Variants in SHTN1 observed in about 807,000 individuals in gnomAD.
SHTN1 encodes shootin-1.
Under a neutral mutation model 83.1 loss-of-function variants are expected in SHTN1, and 42 were observed. That is an observed-to-expected ratio of 0.51 (90% CI 0.39 to 0.65). The LOEUF (loss-of-function observed/expected upper bound fraction) is 0.65. Among genes scored for constraint, SHTN1 ranks in the 30% least tolerant of loss-of-function variants. SHTN1 has a pLI of 0.00. For missense variants in SHTN1, 622 were observed against 737.8 expected (o/e 0.84, Z 1.82); for synonymous variants, 224 against 247.7 (o/e 0.90, Z 0.90).
chr10:116,960,848 C>G (rs550385780), intron 3 of SHTN1, among the ~76,000 whole-genome samples: 1 of 152,202 alleles, frequency 6.6e-6, no homozygotes, highest in Admixed American at 6.6e-5. Context: ...TAAATTACTT[C>G]CTGAATCATA....
intron 1 of SHTN1, among the ~76,000 whole-genome samples, chr10:117,061,193 C>T (rs1340485826): frequency 7.0e-6 from 1 of 143,298 alleles, no homozygotes; most frequent in African/African-American, 2.6e-5. Flanking sequence ...GTCACTCAGG[C>T]TGGAGTGCAG....
At chr10:117,065,764 GAAAGA>G (rs1852976446) in intron 1 of SHTN1, among the ~76,000 whole-genome samples, 1 of 47,310 alleles carries the variant, frequency 2.1e-5, no homozygotes, top group East Asian at 9.5e-4. Flanking sequence ...AAGAAAGAAA[GAAAGA>G]AAGAAAGAAA....
At chr10:117,092,395 T>C (rs1300981680) in intron 1 of SHTN1, among the ~76,000 whole-genome samples, 2 of 152,230 alleles carry the variant, frequency 1.3e-5, no homozygotes, top group African/African-American at 2.4e-5. Flanking sequence ...TACAACATCC[T>C]TTATCCAGAA....
intron 2 of SHTN1, among the ~76,000 whole-genome samples, chr10:116,969,405 C>T (rs575175375): frequency 6.6e-6 from 1 of 152,236 alleles, no homozygotes; most frequent in East Asian, 1.9e-4. Flanking sequence ...CACACCATTG[C>T]ACTCCAGCAT....
At position 117,068,564 on chromosome 10, in the gene SHTN1, C is replaced by A. The variant is rs192976059; in HGVS notation, c.-188-20054G>T. Among the ~76,000 whole-genome samples, 5 of 150,770 alleles carry A rather than the reference C, an allele frequency of 3.3e-5. No homozygotes were observed. In the South Asian group the frequency reaches 8.4e-4, roughly 25 times the overall value. The stretch of plus-strand genomic sequence containing the variant: ...GCTGTAGCTAAAAAAGAATGTGGAA[C>A]TGAGAAAGATTTTGGTTCATTAGAT... On this transcript the variant is annotated intron_variant, in intron 1 of 17. Coordinates refer to the SHTN1 transcript ENST00000392901.
chr10:116,927,556 T>C (rs1287042204), intron 11 of SHTN1, among the ~76,000 whole-genome samples: 3 of 152,054 alleles, frequency 2.0e-5, no homozygotes, highest in African/African-American at 4.8e-5. Context: ...GAGAATAGCA[T>C]GGAAAGACCC....
At chr10:117,113,957 G>A (rs61873046) in intron 1 of SHTN1, among the ~76,000 whole-genome samples, 5,002 of 152,298 alleles carry the variant, frequency 0.033, 126 homozygotes, top group Non-Finnish European at 0.053. Context: ...TGAGGCAAGA[G>A]AATAACTTGA....
Position 116,971,720 on chromosome 10 carries a change from T to G in SHTN1, c.112-3008A>C, listed in dbSNP as rs566380817. On this transcript the variant is annotated intron_variant, in intron 2 of 16. Transcript: ENST00000355371. Reference sequence around the variant, plus strand: ...TCTGGTGCTTTACTTTCAAATTAATTTAATGTTTCTTAATCTGGCATTTCT... The same window carrying G: ...TCTGGTGCTTTACTTTCAAATTAATGTAATGTTTCTTAATCTGGCATTTCT... 7.3e-4 allele frequency among the ~76,000 whole-genome samples: 111 copies of G among 152,346 alleles called. 2 individuals carry two copies. In the South Asian group the frequency reaches 0.022, roughly 30 times the overall value.
rs149697370 is a variant in SHTN1 at position 116,910,607 on chromosome 10, A to C, written c.1359+1183T>G. ...AATTAACCTAATTTTTAAAAAGTCA[A>C]ACTCAGTATAGTCTACTCTTTCACT... On this transcript the variant is annotated intron_variant, in intron 14 of 16. Transcript: ENST00000355371. 9.5e-3 allele frequency among the ~76,000 whole-genome samples: 1,453 copies of C among 152,324 alleles called. 24 individuals are homozygous for C. Among genetic ancestry groups the C allele is most frequent in the African/African-American group, 0.033 (1,392 of 41,574 alleles).
intron 1 of SHTN1, among the ~76,000 whole-genome samples, chr10:117,114,021 T>C (rs1853806564): frequency 1.3e-5 from 2 of 152,026 alleles, no homozygotes; most frequent in African/African-American, 2.4e-5. Flanking sequence ...CACTGCAGCA[T>C]GGACGACAGA....
At chr10:116,892,525 A>C (rs1320180574) in intron 16 of SHTN1, among the ~76,000 whole-genome samples, 1 of 152,222 alleles carries the variant, frequency 6.6e-6, no homozygotes, top group Non-Finnish European at 1.5e-5. Context: ...GTCTTCCACA[A>C]AATTCACCAT....
At chr10:117,121,860 G>A (rs574596561) in intron 1 of SHTN1, among the ~76,000 whole-genome samples, 16 of 151,680 alleles carry the variant, frequency 1.1e-4, no homozygotes, top group African/African-American at 2.7e-4. Context: ...GTGCAACCCC[G>A]TCTCTACTAA....
chr10:116,900,648 T>G (rs745416949), intron 16 of SHTN1: 9 of 1,504,486 alleles, frequency 6.0e-6, no homozygotes, highest in Non-Finnish European at 8.0e-6. Flanking sequence ...TTGGTTCAAA[T>G]GTAGCCAGAT....
intron 2 of SHTN1, among the ~76,000 whole-genome samples, chr10:117,022,053 C>G (rs1263065985): frequency 3.3e-5 from 5 of 152,158 alleles, no homozygotes; most frequent in African/African-American, 1.2e-4. Context: ...TGCCACAACA[C>G]TATATCATTA....
rs1346855916 is a variant in SHTN1, at chr10:117,012,093, C to T, written c.-122-32785G>A. 2.7e-5 allele frequency among the ~76,000 whole-genome samples: 4 copies of T among 149,026 alleles called. No individual in the cohort carries two copies. The South Asian group carries it at 6.4e-4, about 24-fold the overall frequency. ...GGTGGAGCTTGCAGTGAGCCGAGATCGCGCCACTGCATTCCAGCCTGGGCG... is the reference window on the plus strand; with the variant it reads ...GGTGGAGCTTGCAGTGAGCCGAGATTGCGCCACTGCATTCCAGCCTGGGCG... On this transcript the variant is annotated intron_variant, in intron 2 of 17. Coordinates refer to the SHTN1 transcript ENST00000392901.
chr10:117,001,882 T>A (rs530046795), intron 1 of SHTN1, among the ~76,000 whole-genome samples: 6 of 151,542 alleles, frequency 4.0e-5, no homozygotes, highest in East Asian at 1.9e-4. Context: ...TGTATCAGTT[T>A]AAAAAAAAAT....
chr10:117,094,631 A>G (rs1853480989), intron 1 of SHTN1, among the ~76,000 whole-genome samples: 1 of 152,180 alleles, frequency 6.6e-6, no homozygotes, highest in African/African-American at 2.4e-5. Context: ...CCCAGAAGAT[A>G]AGCGAAGTTT....
At chr10:116,934,975 T>C (rs1269489832) in intron 9 of SHTN1, among the ~76,000 whole-genome samples, 1 of 152,214 alleles carries the variant, frequency 6.6e-6, no homozygotes, top group Non-Finnish European at 1.5e-5. Context: ...TTGTCTATTA[T>C]GGATGTATAG....
At chr10:116,979,417 TGGA>T in intron 1 of SHTN1, 109 bp from the exon 2 acceptor site, 1 of 826,924 alleles carries the variant, frequency 1.2e-6, no homozygotes, top group Non-Finnish European at 2.0e-6. Context: ...TGAGGTAGGG[TGGA>T]GAAGAGGCTG....
Sources: gnomAD v4.1 joint callset for allele counts (sites outside exome capture counted in the v4.1 genomes callset) on GRCh38, gnomAD v4.1.1 for gene constraint, MANE v1.5 for transcripts, NCBI Gene and HGNC (gene_info 2026-07-23, HGNC 2026-07-21) for gene names.